FXR2: variants seen among roughly 807,000 people sequenced by gnomAD.
The protein encoded by FXR2 is FMR1 autosomal homolog 2.
A neutral mutation model predicts 87.3 loss-of-function variants in FXR2; 9 were observed. The observed-to-expected ratio is 0.10, with a 90% confidence interval of 0.06 to 0.18. The LOEUF (loss-of-function observed/expected upper bound fraction) is 0.18, where lower values mean the gene tolerates loss of function less well. FXR2 is among the 10% of genes least tolerant of loss of function. The pLI, the probability that FXR2 is intolerant of heterozygous loss-of-function variation, is 1.00. For missense variants in FXR2, 661 were observed against 893.6 expected, an observed-to-expected ratio of 0.74 and a Z score of 3.32; for synonymous variants, 331 against 328.3, an observed-to-expected ratio of 1.01 and a Z score of -0.09.
intron 1 of FXR2, among the ~76,000 whole-genome samples, chr17:7,610,006 A>ATATATATACATGTATATGTATACG (rs2071846177): frequency 1.0e-5 from 1 of 95,692 alleles, no homozygotes; most frequent in African/African-American, 4.1e-5. Context: ...ATATGTATAC[A>ATATATATACATGTATATGTATACG]TATATATATA....
Position 7,592,313 on chromosome 17 carries a change from G to A in FXR2, c.1867C>T (p.Arg623Cys), listed in dbSNP as rs374495529. The A allele has an allele frequency of 1.2e-6, 2 of 1,613,334 alleles. No homozygotes were observed. The highest frequency in any genetic ancestry group is 1.3e-5 in the African/African-American group (1 of 74,892). ...DYISRAESQS[R>C]QRPPLERTKP... ...GTGCGTTCCAGGGGTGGCCTCTGGC[G>A]GCTCTGAGACTCTGCTCGTGAGATA... The change falls in exon 16 of 17, where the codon CGC (arginine) becomes TGC (cysteine). Residue 623 changes from arginine to cysteine, a missense_variant. Transcript: ENST00000250113. This position sits in a 1 kb window ranked among gnomAD's most constrained non-coding sequence, Gnocchi z 4.8.
At position 7,592,786 on chromosome 17, in the gene FXR2, C is replaced by T. The variant is rs779237587; in HGVS notation, c.1637G>A (p.Arg546His). The change falls in exon 14 of 17, where the codon CGC becomes CAC. Residue 546 changes from arginine to histidine, a missense_variant. Around this residue, in one of 3 missense-constraint regions of FXR2, gnomAD observed 409 missense variants for 432.0 expected, o/e 0.95. Coordinates refer to ENST00000250113, the MANE Select transcript of FXR2 (RefSeq NM_004860.4). The surrounding 1 kb of genome is among the most constrained non-coding windows in gnomAD (Gnocchi z 4.8). Reference protein sequence around the residue: ...GEPPPASARRRRSRRRRTDED... With the variant: ...GEPPPASARRHRSRRRRTDED... ...ATCAGTGCGGCGGCGGCGGGAGCGG[C>T]GGCGCCTGGCACTTGCTGGGGGGGG... The T allele has an allele frequency of 2.9e-5, 47 of 1,613,502 alleles. No individual in the cohort carries two copies. The highest frequency in any genetic ancestry group is 6.6e-5 in the South Asian group (6 of 91,064).
In FXR2 at chr17:7,604,422, G is replaced by A. The variant is rs114558967; in HGVS notation, c.229-342C>T. Among the ~76,000 whole-genome samples, 1,026 of 152,140 alleles carry A rather than the reference G, an allele frequency of 6.7e-3. 12 individuals carry two copies. Among genetic ancestry groups the A allele is most frequent in the African/African-American group, 0.023 (934 of 41,498 alleles). ...TCCACGAAAAAAAAAGAGGCCAAGC[G>A]CGGTGGCTTATGCCCATAATCCCAG... On this transcript the variant is annotated intron_variant, in intron 3 of 16. Transcript: ENST00000250113.
chr17:7,592,492 G>C lies in FXR2; in HGVS notation c.1825+12C>G. On this transcript the variant is annotated intron_variant, in intron 15 of 16. Coordinates refer to ENST00000250113, the MANE Select transcript of FXR2 (RefSeq NM_004860.4). This position sits in a 1 kb window ranked among gnomAD's most constrained non-coding sequence, Gnocchi z 4.8. ...CTCTGAGGAAGGATTCTGGTGTCCA[G>C]AGTTGGCTGACCTGGCTGGCGGTCT... 1 of 1,611,182 alleles carries C rather than the reference G, an allele frequency of 6.2e-7. No homozygotes were observed. The highest frequency in any genetic ancestry group is 8.5e-7 in the Non-Finnish European group (1 of 1,177,308).
intron 7 of FXR2, chr17:7,596,221 G>A (rs542248005): frequency 2.6e-5 from 11 of 418,888 alleles, no homozygotes; most frequent in Non-Finnish European, 4.3e-5. Flanking sequence ...GCAGTGGCGC[G>A]ATCTCAGCTC....
chr17:7,614,346 A>G (rs750789430), intron 1 of FXR2, 106 bp downstream of exon 1: 40 of 831,914 alleles, frequency 4.8e-5, no homozygotes, highest in Non-Finnish European at 7.3e-5. Flanking sequence ...CCAAGATTCT[A>G]AGGGCCAGGA....
chr17:7,593,296 A>T lies in FXR2; in HGVS notation c.1330+107T>A. 1 of 1,223,834 alleles carries T rather than the reference A, an allele frequency of 8.2e-7. No individual in the cohort carries two copies. Among genetic ancestry groups the T allele is most frequent in the East Asian group, 2.6e-5 (1 of 39,200 alleles). 75.8% of individuals were successfully genotyped at this position (1,223,834 alleles called of 1,614,324 possible). A position where few individuals can be genotyped will look rare whatever the true frequency, so the allele number is the denominator to read the frequency against. ...TCACAAGCCTCCCAGCCAATCAATC[A>T]CTTTTTCATCATCTCCATTCCAGAT... On this transcript the variant is annotated intron_variant, in intron 12 of 16. Coordinates refer to ENST00000250113, the MANE Select transcript of FXR2 (RefSeq NM_004860.4). This position sits in a 1 kb window ranked among gnomAD's most constrained non-coding sequence, Gnocchi z 6.1.
rs36013555 is a variant in FXR2, at chr17:7,592,557, C to T, written c.1772G>A (p.Arg591His). 3 of 1,613,890 alleles carry T rather than the reference C, an allele frequency of 1.9e-6. No homozygotes were observed. The highest frequency in any genetic ancestry group is 2.5e-6 in the Non-Finnish European group (3 of 1,179,838). Residue 591 changes from arginine to histidine, a missense_variant, in exon 15 of 17, where the codon CGC (arginine) becomes CAC (histidine). Physicochemically the swap from Arg to His is conservative, Grantham distance 29. This residue lies in a region of FXR2 where 409 missense variants were observed against 432.0 expected (regional missense o/e 0.95). Coordinates refer to ENST00000250113, the MANE Select transcript of FXR2 (RefSeq NM_004860.4). This position sits in a 1 kb window ranked among gnomAD's most constrained non-coding sequence, Gnocchi z 4.8. ...RPQRRNRSRRRRNRGNRTDGS... is the reference protein window; with the variant it reads ...RPQRRNRSRRHRNRGNRTDGS... Reference sequence around the variant, plus strand: ...ATCAGTCCGATTACCACGGTTACGGCGGCGGCGGCTGCGATTACGACGTTG... The same window carrying T: ...ATCAGTCCGATTACCACGGTTACGGTGGCGGCGGCTGCGATTACGACGTTG...
At position 7,593,973 on chromosome 17, in the gene FXR2, C is replaced by T. The variant is rs898656574; in HGVS notation, c.1052G>A (p.Arg351Gln). 6.2e-7 allele frequency: 1 copy of T among 1,610,210 alleles called. No individual in the cohort carries two copies. ...GMVPFIFVGT[R>Q]ENISNAQALL... ...AGCCTGGGCATTGCTGATGTTCTCT[C>T]GGGTGCCAACAAAAATGAAGGGAAC... Residue 351 changes from arginine to glutamine, a missense_variant, in exon 11 of 17, where the codon CGA becomes CAA. Arg to Gln is a conservative substitution (Grantham distance 43). Around this residue, in one of 3 missense-constraint regions of FXR2, gnomAD observed 82 missense variants for 214.4 expected, o/e 0.38. Transcript: ENST00000250113. This position sits in a 1 kb window ranked among gnomAD's most constrained non-coding sequence, Gnocchi z 6.1.
rs536846958 is a variant in FXR2, at chr17:7,603,050, G to C, written c.450-48C>G. 3.2e-6 allele frequency: 3 copies of C among 925,498 alleles called. No individual in the cohort carries two copies. The East Asian group carries it at 7.6e-5, about 23-fold the overall frequency. 57.3% of individuals were successfully genotyped at this position (925,498 alleles called of 1,614,324 possible). Reference sequence around the variant, plus strand: ...GCGGGCAGAATGCAGAGAGTACAGTGAAGAGTTCGGGGGAGGCTGGACATG... The same window carrying C: ...GCGGGCAGAATGCAGAGAGTACAGTCAAGAGTTCGGGGGAGGCTGGACATG... On this transcript the variant is annotated intron_variant, in intron 5 of 16. Coordinates refer to ENST00000250113, the MANE Select transcript of FXR2 (RefSeq NM_004860.4).
At chr17:7,603,935 G>A (rs777928161) in intron 4 of FXR2, 30 bp from the exon 5 acceptor site, 4 of 1,612,970 alleles carry the variant, frequency 2.5e-6, no homozygotes, top group Non-Finnish European at 3.4e-6. Flanking sequence ...GAGAAGTTGT[G>A]GATGACCTGA....
Position 7,592,160 on chromosome 17 carries a change from G to A in FXR2, c.1926+94C>T. 1 of 1,549,898 alleles carries A rather than the reference G, an allele frequency of 6.5e-7. No individual in the cohort carries two copies. The highest frequency in any genetic ancestry group is 8.7e-7 in the Non-Finnish European group (1 of 1,142,930). ...AACTCCATCAGACACAGCTGCCTCT[G>A]CAATTCAGTAGGAGATTTGTGAAAT... On this transcript the variant is annotated intron_variant, in intron 16 of 16. Transcript: ENST00000250113. This position sits in a 1 kb window ranked among gnomAD's most constrained non-coding sequence, Gnocchi z 4.8.
intron 1 of FXR2, among the ~76,000 whole-genome samples, chr17:7,610,006 A>ATGTATG (rs36196110): frequency 0.082 from 7,849 of 95,492 alleles, 530 homozygotes; most frequent in Middle Eastern, 0.2. Flanking sequence ...ATATGTATAC[A>ATGTATG]TATATATATA....
At chr17:7,602,865 A>T in intron 6 of FXR2, 44 bp downstream of exon 6, 1 of 918,762 alleles carries the variant, frequency 1.1e-6, no homozygotes, top group Non-Finnish European at 1.8e-6. Flanking sequence ...AAAAAGAAAA[A>T]ATGTTCAAAA....
chr17:7,607,480 T>A (rs2071812459), intron 1 of FXR2, among the ~76,000 whole-genome samples: 1 of 152,064 alleles, frequency 6.6e-6, no homozygotes, highest in Admixed American at 6.6e-5. Flanking sequence ...CAGGCTGGAG[T>A]GTAATGGCGC....
At position 7,604,027 on chromosome 17, in the gene FXR2, C is replaced by T. The variant is rs1296639145; in HGVS notation, c.282G>A (p.Val94=). 6.3e-7 allele frequency: 1 copy of T among 1,587,530 alleles called. No homozygotes were observed. The highest frequency in any genetic ancestry group is 1.4e-5 in the African/African-American group (1 of 74,038). The change falls in exon 4 of 17, where the codon GTG becomes GTA. Residue 94 remains valine (V), a synonymous_variant. Coordinates refer to ENST00000250113, the MANE Select transcript of FXR2 (RefSeq NM_004860.4). Reference sequence around the variant, plus strand: ...CACTCACATCTCCCTTCATCATCCGCACCCGGGCCAGCCACCAGCCACAAG... The same window carrying T: ...CACTCACATCTCCCTTCATCATCCGTACCCGGGCCAGCCACCAGCCACAAG... ...QEPCGWWLAR[V]RMMKGDFYVI...
intron 1 of FXR2, among the ~76,000 whole-genome samples, chr17:7,608,611 T>C (rs1420022327): frequency 7.9e-6 from 1 of 127,034 alleles, no homozygotes; most frequent in Admixed American, 7.9e-5. Flanking sequence ...GGGCAAACTC[T>C]GCCTCAAAAA....
In FXR2 at chr17:7,592,383, A is replaced by G; in HGVS notation, c.1826-29T>C. 1 of 1,576,824 alleles carries G rather than the reference A, an allele frequency of 6.3e-7. No individual in the cohort carries two copies. The highest frequency in any genetic ancestry group is 8.7e-7 in the Non-Finnish European group (1 of 1,146,122). On this transcript the variant is annotated intron_variant, in intron 15 of 16. Coordinates refer to ENST00000250113, the MANE Select transcript of FXR2 (RefSeq NM_004860.4). This position sits in a 1 kb window ranked among gnomAD's most constrained non-coding sequence, Gnocchi z 4.8. Reference sequence around the variant, plus strand: ...GGGAAGGCAGGAGATTAAGACTTTCAGATGGAATTCTGGTAGCCAGCCTAA... The same window carrying G: ...GGGAAGGCAGGAGATTAAGACTTTCGGATGGAATTCTGGTAGCCAGCCTAA...
chr17:7,603,754 C>T lies in FXR2; in HGVS notation c.449+3G>A. On this transcript the variant is annotated splice_donor_region_variant and intron_variant, in intron 5 of 16. Coordinates refer to ENST00000250113, the MANE Select transcript of FXR2 (RefSeq NM_004860.4). ...CCTCATTCCCACCATCCTTAACACT[C>T]ACGCTTCTCTCAGATCCTCGGGCAC... The T allele has an allele frequency of 6.2e-7, 1 of 1,613,710 alleles. No homozygotes were observed. The highest frequency in any genetic ancestry group is 8.5e-7 in the Non-Finnish European group (1 of 1,179,712).
Sources: allele counts gnomAD v4.1 joint callset (sites outside exome capture counted in the v4.1 genomes callset), GRCh38; gene constraint gnomAD v4.1.1; regional missense constraint gnomAD v4.1.1; non-coding constraint Gnocchi (gnomAD v3.1); transcripts MANE v1.5; gene names NCBI Gene and HGNC (gene_info 2026-07-23, HGNC 2026-07-21).